The following ADAMTSL1 variants were observed in gnomAD, a reference collection of about 807,000 sequenced individuals.
ADAMTSL1 encodes ADAMTS like 1.
In ADAMTSL1, 126 loss-of-function variants were observed where a neutral mutation model predicts 201.8. That is an observed-to-expected ratio of 0.62 (90% CI 0.54 to 0.72). The LOEUF is 0.72. Among genes scored for constraint, ADAMTSL1 ranks in the 30% least tolerant of loss-of-function variants. ADAMTSL1 has a pLI of 0.00. For synonymous variants in ADAMTSL1, 1,121 were observed against 903.4 expected (o/e 1.24, Z -4.32); for missense variants, 2,679 against 2,277.8 (o/e 1.18, Z -3.59).
At chr9:18,451,099 TG>T (rs1317789284) in intron 2 of ADAMTSL1, among the ~76,000 whole-genome samples, 1 of 152,198 alleles carries the variant, frequency 6.6e-6, no homozygotes, top group African/African-American at 2.4e-5. Flanking sequence ...GAAGGGGGAT[TG>T]GGATAGGAAG....
chr9:18,616,431 A>G (rs1825706621), intron 4 of ADAMTSL1, among the ~76,000 whole-genome samples: 1 of 152,204 alleles, frequency 6.6e-6, no homozygotes. Context: ...TGTTATTGGG[A>G]CATTGTTATA....
intron 2 of ADAMTSL1, among the ~76,000 whole-genome samples, chr9:18,170,401 C>G (rs1225510726): frequency 6.6e-6 from 1 of 151,738 alleles, no homozygotes; most frequent in Non-Finnish European, 1.5e-5. Context: ...CAATATAGAG[C>G]TATTTAATGA....
At chr9:18,182,194 C>G (rs11789853) in intron 2 of ADAMTSL1, among the ~76,000 whole-genome samples, 21,383 of 148,770 alleles carry the variant, frequency 0.14, 1,777 homozygotes, top group East Asian at 0.24. Flanking sequence ...TGCTAGATGA[C>G]GAGTTAGTGG....
intron 22 of ADAMTSL1, among the ~76,000 whole-genome samples, chr9:18,828,656 A>ATATTT (rs1321754750): frequency 3.3e-5 from 1 of 30,160 alleles, no homozygotes; most frequent in South Asian, 1.4e-3. Flanking sequence ...TTTTGAAAGT[A>ATATTT]TATTTATATA....
At chr9:18,026,755 T>G (rs550095768) in intron 1 of ADAMTSL1, among the ~76,000 whole-genome samples, 2 of 152,154 alleles carry the variant, frequency 1.3e-5, no homozygotes, top group Non-Finnish European at 2.9e-5. Context: ...CTCCTCAATT[T>G]TTGGGAATAG....
At chr9:18,540,357 G>A (rs1311452585) in intron 3 of ADAMTSL1, among the ~76,000 whole-genome samples, 6 of 152,218 alleles carry the variant, frequency 3.9e-5, no homozygotes, top group Non-Finnish European at 8.8e-5. Context: ...AAGCGATAGT[G>A]AATGATTATG....
chr9:18,581,721 A>G (rs899566512), intron 4 of ADAMTSL1, among the ~76,000 whole-genome samples: 1 of 152,190 alleles, frequency 6.6e-6, no homozygotes, highest in Non-Finnish European at 1.5e-5. Context: ...TCAAAAAGGG[A>G]AAAACACCAA....
chr9:18,114,214 A>G (rs1330150916), intron 1 of ADAMTSL1, among the ~76,000 whole-genome samples: 3 of 152,178 alleles, frequency 2.0e-5, no homozygotes, highest in African/African-American at 7.2e-5. Context: ...AGCACTTTTC[A>G]TGAAATGATG....
intron 2 of ADAMTSL1, among the ~76,000 whole-genome samples, chr9:18,168,103 A>G (rs1323112462): frequency 6.6e-6 from 1 of 151,658 alleles, no homozygotes; most frequent in Non-Finnish European, 1.5e-5. Context: ...TGACCATTAT[A>G]TTTTTTCTTA....
intron 1 of ADAMTSL1, among the ~76,000 whole-genome samples, chr9:17,981,554 T>C (rs115488824): frequency 0.012 from 1,807 of 152,306 alleles, 42 homozygotes; most frequent in African/African-American, 0.041. Context: ...ATTGTTCGAG[T>C]GAGCCATCTT....
chr9:18,419,914 G>T (rs1661454910), intron 2 of ADAMTSL1, among the ~76,000 whole-genome samples: 1 of 152,040 alleles, frequency 6.6e-6, no homozygotes, highest in African/African-American at 2.4e-5. Context: ...ATTTTTAGTA[G>T]AGATGGGGTT....
At chr9:18,808,628 T>C (rs890357997) in intron 20 of ADAMTSL1, among the ~76,000 whole-genome samples, 1 of 152,258 alleles carries the variant, frequency 6.6e-6, no homozygotes, top group African/African-American at 2.4e-5. Flanking sequence ...ATTGTGACTC[T>C]AAAGCTCTCT....
intron 23 of ADAMTSL1, among the ~76,000 whole-genome samples, chr9:18,847,150 C>A (rs1481015123): frequency 6.6e-6 from 1 of 152,108 alleles, no homozygotes; most frequent in Non-Finnish European, 1.5e-5. Flanking sequence ...TTAGGACAGA[C>A]AGAAAAGTCA....
chr9:18,328,983 C>G (rs959785629), intron 2 of ADAMTSL1, among the ~76,000 whole-genome samples: 3 of 152,110 alleles, frequency 2.0e-5, no homozygotes, highest in Non-Finnish European at 4.4e-5. Flanking sequence ...AACAACCCCC[C>G]ACCCTTTGCT....
At chr9:18,181,151 A>G (rs923272848) in intron 2 of ADAMTSL1, among the ~76,000 whole-genome samples, 2 of 152,222 alleles carry the variant, frequency 1.3e-5, no homozygotes, top group East Asian at 3.9e-4. Context: ...TGGATTAAAG[A>G]CTTAAATGTT....
chr9:18,581,265 A>G (rs1368985985), intron 4 of ADAMTSL1, among the ~76,000 whole-genome samples: 1 of 152,202 alleles, frequency 6.6e-6, no homozygotes, highest in Non-Finnish European at 1.5e-5. Flanking sequence ...TTATAAGGAC[A>G]GCAATCATAT....
At chr9:17,979,496 C>T (rs751437542) in intron 1 of ADAMTSL1, among the ~76,000 whole-genome samples, 31 of 150,722 alleles carry the variant, frequency 2.1e-4, no homozygotes, top group Non-Finnish European at 4.0e-4. Context: ...TTGCATTGTT[C>T]ATTTCATTCA....
intron 2 of ADAMTSL1, among the ~76,000 whole-genome samples, chr9:18,522,445 T>C (rs886120375): frequency 9.2e-5 from 14 of 152,150 alleles, no homozygotes; most frequent in African/African-American, 3.4e-4. Flanking sequence ...AGAATTTTTA[T>C]TTTATTTTAT....
At chr9:18,895,571 T>C (rs1367875803) in intron 26 of ADAMTSL1, among the ~76,000 whole-genome samples, 1 of 152,164 alleles carries the variant, frequency 6.6e-6, no homozygotes, top group Non-Finnish European at 1.5e-5. Flanking sequence ...ACTGACGCTC[T>C]AAAGTCCCAA....
Sources: gnomAD v4.1 joint callset for allele counts (sites outside exome capture counted in the v4.1 genomes callset) on GRCh38, gnomAD v4.1.1 for gene constraint, MANE v1.5 for transcripts, NCBI Gene and HGNC (gene_info 2026-07-23, HGNC 2026-07-21) for gene names.